The following PPP3R2 variants were observed in gnomAD, a reference collection of about 807,000 sequenced individuals.
PPP3R2 encodes the protein protein phosphatase 3 regulatory subunit B, beta.
For missense variants in PPP3R2, 225 were observed against 217.4 expected (o/e 1.03, Z -0.22); for synonymous variants, 91 against 91.5 (o/e 0.99, Z 0.03).
In PPP3R2 at chr9:101,594,799, C is replaced by G; in HGVS notation, c.123G>C (p.Glu41Asp). 1 of 1,613,264 alleles carries G rather than the reference C, an allele frequency of 6.2e-7. No individual in the cohort carries two copies. The highest frequency in any genetic ancestry group is 1.3e-5 in the African/African-American group (1 of 75,058). The change falls in exon 1 of 1, where the codon GAG (glutamate) becomes GAC (aspartate). Residue 41 changes from glutamate to aspartate, a missense_variant. By Grantham distance (45) the Glu-to-Asp change is conservative. Coordinates refer to ENST00000374806, the MANE Select transcript of PPP3R2 (RefSeq NM_147180.4). Reference sequence around the variant, plus strand: ...GCAGCTCCGGCAGGGACATGAACTCCTCCACGCTCAGAGACCCTGATTTGT... The same window carrying G: ...GCAGCTCCGGCAGGGACATGAACTCGTCCACGCTCAGAGACCCTGATTTGT... ...DLDKSGSLSV[E>D]EFMSLPELRH...
At position 101,593,404 on chromosome 9, in the gene PPP3R2, A is replaced by T. The variant is rs1004285448; in HGVS notation, c.*1005T>A. 1 of 152,184 alleles carries T rather than the reference A, an allele frequency of 6.6e-6. No individual in the cohort carries two copies. Among genetic ancestry groups the T allele is most frequent in the African/African-American group, 2.4e-5 (1 of 41,444 alleles). 9.4% of individuals were successfully genotyped at this position (152,184 alleles called of 1,614,324 possible). A position where few individuals can be genotyped will look rare whatever the true frequency, so the allele number is the denominator to read the frequency against. On this transcript the variant is annotated 3_prime_UTR_variant, in exon 1 of 1. Transcript: ENST00000374806. ...TTTTCAAAATCAGCATAGCTGGTGT[A>T]GCTAGCATCCACCTCTGCTGTGGAG...
At position 101,594,856 on chromosome 9, in the gene PPP3R2, C is replaced by A; in HGVS notation, c.66G>T (p.Arg22Ser). ...CCAACTTCTTAAACCTCCTGCCCAG[C>A]CTTTTAATTTCATCATTGTCAAAGT... ...CSHFDNDEIK[R>S]LGRRFKKLDL... The change falls in exon 1 of 1, where the codon AGG (arginine) becomes AGT (serine). Residue 22 changes from arginine (R) to serine (S), a missense_variant. Arg to Ser is a moderately radical substitution (Grantham distance 110). Transcript: ENST00000374806. The A allele has an allele frequency of 6.2e-7, 1 of 1,605,244 alleles. No individual in the cohort carries two copies. Among genetic ancestry groups the A allele is most frequent in the Non-Finnish European group, 8.5e-7 (1 of 1,179,992 alleles).
chr9:101,594,202 C>T lies in PPP3R2; in HGVS notation c.*207G>A, dbSNP rs117277485. The stretch of plus-strand genomic sequence containing the variant: ...TTCCCCACTATGCTCATTTGACTTG[C>T]TCTTCCCCCTATAGGGTACCCTGAG... On this transcript the variant is annotated 3_prime_UTR_variant, in exon 1 of 1. Transcript: ENST00000374806. 490 of 558,986 alleles carry T rather than the reference C, an allele frequency of 8.8e-4. 2 individuals are homozygous for T. The East Asian group carries it at 0.012, about 14-fold the overall frequency. 34.6% of individuals were successfully genotyped at this position (558,986 alleles called of 1,614,324 possible).
chr9:101,593,613 C>T lies in PPP3R2; in HGVS notation c.*796G>A, dbSNP rs568386132. 3 of 152,448 alleles carry T rather than the reference C, an allele frequency of 2.0e-5. No individual in the cohort carries two copies. In the South Asian group the frequency reaches 6.2e-4, roughly 32 times the overall value. The allele number at this position is 152,448 out of a possible 1,614,324, so 9.4% of individuals were successfully genotyped here. ...GGTGAGAGCACTTTCTGGGAGAACACTTTGCTTGCCCTATTTAGCTGGAGG... is the reference window on the plus strand; with the variant it reads ...GGTGAGAGCACTTTCTGGGAGAACATTTTGCTTGCCCTATTTAGCTGGAGG... On this transcript the variant is annotated 3_prime_UTR_variant, in exon 1 of 1. Coordinates refer to ENST00000374806, the MANE Select transcript of PPP3R2 (RefSeq NM_147180.4).
Position 101,592,251 on chromosome 9 carries a change from A to C in PPP3R2, c.*2158T>G, listed in dbSNP as rs138448919. ...TGGGCTGTACACTAATGTCCAGTTA[A>C]TTTTAGAGTGGGTGTAGCTAAGAAC... On this transcript the variant is annotated 3_prime_UTR_variant, in exon 1 of 1. Coordinates refer to ENST00000374806, the MANE Select transcript of PPP3R2 (RefSeq NM_147180.4). 6.6e-6 allele frequency: 1 copy of C among 152,180 alleles called. No individual in the cohort carries two copies. Among genetic ancestry groups the C allele is most frequent in the South Asian group, 2.1e-4 (1 of 4,822 alleles). 9.4% of individuals were successfully genotyped at this position (152,180 alleles called of 1,614,324 possible).
In PPP3R2 at chr9:101,594,704, T is replaced by C. The variant is rs1227024419; in HGVS notation, c.218A>G (p.Lys73Arg). The C allele has an allele frequency of 3.1e-6, 5 of 1,614,108 alleles. No homozygotes were observed. Among genetic ancestry groups the C allele is most frequent in the African/African-American group, 2.7e-5 (2 of 74,940 alleles). ...CTGGGAGGTCCCCAGGATGAATTCCTTGAAGTCCACTTCTCCATCACCGTC... is the reference window on the plus strand; with the variant it reads ...CTGGGAGGTCCCCAGGATGAATTCCCTGAAGTCCACTTCTCCATCACCGTC... ...DTDGDGEVDF[K>R]EFILGTSQFS... Residue 73 changes from lysine (K) to arginine (R), a missense_variant, in exon 1 of 1, where the codon AAG becomes AGG. By Grantham distance (26) the Lys-to-Arg change is conservative. Transcript: ENST00000374806.
chr9:101,594,661 G>A lies in PPP3R2; in HGVS notation c.261C>T (p.Asp87=), dbSNP rs1170154022. The A allele has an allele frequency of 3.1e-6, 5 of 1,614,162 alleles. No homozygotes were observed. Among genetic ancestry groups the A allele is most frequent in the East Asian group, 2.2e-5 (1 of 44,876 alleles). Residue 87 remains aspartate (D), a synonymous_variant, in exon 1 of 1, where the codon GAC becomes GAT. Transcript: ENST00000374806. ...LGTSQFSVKG[D]EEQKLRFAFS... ...ACGCAAACCTCAACTTCTGCTCCTC[G>A]TCGCCCTTGACGCTGAACTGGGAGG...
rs1224548008 is a variant in PPP3R2, at chr9:101,592,314, C to T, written c.*2095G>A. 2.0e-5 allele frequency: 3 copies of T among 152,174 alleles called. No individual in the cohort carries two copies. In the East Asian group the frequency reaches 5.8e-4, roughly 29 times the overall value. 9.4% of individuals were successfully genotyped at this position (152,174 alleles called of 1,614,324 possible). A position where few individuals can be genotyped will look rare whatever the true frequency, so the allele number is the denominator to read the frequency against. On this transcript the variant is annotated 3_prime_UTR_variant, in exon 1 of 1. Coordinates refer to ENST00000374806, the MANE Select transcript of PPP3R2 (RefSeq NM_147180.4). Reference sequence around the variant, plus strand: ...CAAAAGCAACCAGTAAGCCTCATGTCTCCTTTACATATTGATCTTGTAGAA... The same window carrying T: ...CAAAAGCAACCAGTAAGCCTCATGTTTCCTTTACATATTGATCTTGTAGAA...
chr9:101,594,490 G>A lies in PPP3R2; in HGVS notation c.432C>T (p.Gly144=), dbSNP rs763447424. ...ATTCCTCAAAGGATATCTTCCCATCGCCATCCTTGTCCAGGATGATGATGG... is the reference window on the plus strand; with the variant it reads ...ATTCCTCAAAGGATATCTTCCCATCACCATCCTTGTCCAGGATGATGATGG... ...DKTIIILDKD[G]DGKISFEEFS... Residue 144 remains glycine, a synonymous_variant, in exon 1 of 1, where the codon GGC becomes GGT. Transcript: ENST00000374806. 6.2e-6 allele frequency: 10 copies of A among 1,613,978 alleles called. No homozygotes were observed. The highest frequency in any genetic ancestry group is 4.0e-5 in the African/African-American group (3 of 74,888).
chr9:101,594,351 C>G lies in PPP3R2; in HGVS notation c.*58G>C. ...AGACAGTTGGACGTCTTGAGCAAAT[C>G]TTGAAAGAGATAGGGAAGAAAGCAG... On this transcript the variant is annotated 3_prime_UTR_variant, in exon 1 of 1. Coordinates refer to ENST00000374806, the MANE Select transcript of PPP3R2 (RefSeq NM_147180.4). 1.3e-6 allele frequency: 2 copies of G among 1,528,934 alleles called. No individual in the cohort carries two copies. Among genetic ancestry groups the G allele is most frequent in the Non-Finnish European group, 1.8e-6 (2 of 1,139,452 alleles). The allele number at this position is 1,528,934 out of a possible 1,614,324, so 94.7% of individuals were successfully genotyped here. A position where few individuals can be genotyped will look rare whatever the true frequency, so the allele number is the denominator to read the frequency against.
At position 101,594,777 on chromosome 9, in the gene PPP3R2, G is replaced by T. The variant is rs142403692; in HGVS notation, c.145C>A (p.Leu49Met). ...SVEEFMSLPE[L>M]RHNPLVRRVI... Reference sequence around the variant, plus strand: ...CGCCGCACCAACGGGTTGTGGCGCAGCTCCGGCAGGGACATGAACTCCTCC... The same window carrying T: ...CGCCGCACCAACGGGTTGTGGCGCATCTCCGGCAGGGACATGAACTCCTCC... Residue 49 changes from leucine (L) to methionine (M), a missense_variant, in exon 1 of 1, where the codon CTG becomes ATG. Coordinates refer to ENST00000374806, the MANE Select transcript of PPP3R2 (RefSeq NM_147180.4). The T allele has an allele frequency of 3.7e-6, 6 of 1,613,850 alleles. No homozygotes were observed. In the East Asian group the frequency reaches 1.3e-4, roughly 36 times the overall value.
rs11331695 is a variant in PPP3R2, at chr9:101,592,754, C to CTTTTTTTT, written c.*1647_*1654dup. On this transcript the variant is annotated 3_prime_UTR_variant, in exon 1 of 1. Transcript: ENST00000374806. ...CCCTACAAGTGATTAAATTTGTGGA[C>CTTTTTTTT]TTTTTTTTTTTTTTTCTATTTTGGT... 1 of 143,178 alleles carries CTTTTTTTT rather than the reference C, an allele frequency of 7.0e-6. No homozygotes were observed. The highest frequency in any genetic ancestry group is 1.5e-5 in the Non-Finnish European group (1 of 65,124). 8.9% of individuals were successfully genotyped at this position (143,178 alleles called of 1,614,324 possible). A position where few individuals can be genotyped will look rare whatever the true frequency, so the allele number is the denominator to read the frequency against.
Position 101,594,848 on chromosome 9 carries a change from CTGCCCAGCCTT to C in PPP3R2, c.63_73del (p.Arg22GlufsTer3). 6.2e-7 allele frequency: 1 copy of C among 1,606,800 alleles called. No homozygotes were observed. The highest frequency in any genetic ancestry group is 8.5e-7 in the Non-Finnish European group (1 of 1,180,006). ...GTCCAAGTCCAACTTCTTAAACCTC[CTGCCCAGCCTT>C]TTAATTTCATCATTGTCAAAGTGGG... On this transcript the variant is annotated frameshift_variant, in exon 1 of 1. Coordinates refer to ENST00000374806, the MANE Select transcript of PPP3R2 (RefSeq NM_147180.4). LOFTEE classifies it low-confidence loss of function (END_TRUNC).
At position 101,592,556 on chromosome 9, in the gene PPP3R2, G is replaced by T. The variant is rs1441934261; in HGVS notation, c.*1853C>A. 6.6e-6 allele frequency: 1 copy of T among 152,176 alleles called. No homozygotes were observed. The highest frequency in any genetic ancestry group is 1.5e-5 in the Non-Finnish European group (1 of 68,038). The allele number at this position is 152,176 out of a possible 1,614,324, so 9.4% of individuals were successfully genotyped here. A position where few individuals can be genotyped will look rare whatever the true frequency, so the allele number is the denominator to read the frequency against. On this transcript the variant is annotated 3_prime_UTR_variant, in exon 1 of 1. Coordinates refer to ENST00000374806, the MANE Select transcript of PPP3R2 (RefSeq NM_147180.4). Reference sequence around the variant, plus strand: ...CAGTTGCAACTGAATCCAAACCCAGGTGTGTCTGAATCTTTGAACATTACA... The same window carrying T: ...CAGTTGCAACTGAATCCAAACCCAGTTGTGTCTGAATCTTTGAACATTACA...
chr9:101,593,638 G>A lies in PPP3R2; in HGVS notation c.*771C>T, dbSNP rs1169397377. 1 of 152,290 alleles carries A rather than the reference G, an allele frequency of 6.6e-6. No homozygotes were observed. Among genetic ancestry groups the A allele is most frequent in the African/African-American group, 2.4e-5 (1 of 41,434 alleles). 9.4% of individuals were successfully genotyped at this position (152,290 alleles called of 1,614,324 possible). A position where few individuals can be genotyped will look rare whatever the true frequency, so the allele number is the denominator to read the frequency against. ...CTTTGCTTGCCCTATTTAGCTGGAGGTCCCCTTCATTGAAATTAATGCTGG... is the reference window on the plus strand; with the variant it reads ...CTTTGCTTGCCCTATTTAGCTGGAGATCCCCTTCATTGAAATTAATGCTGG... On this transcript the variant is annotated 3_prime_UTR_variant, in exon 1 of 1. Transcript: ENST00000374806.
In PPP3R2 at chr9:101,594,263, G is replaced by A; in HGVS notation, c.*146C>T. The A allele has an allele frequency of 9.9e-7, 1 of 1,005,490 alleles. No homozygotes were observed. Among genetic ancestry groups the A allele is most frequent in the Non-Finnish European group, 1.4e-6 (1 of 700,680 alleles). 62.3% of individuals were successfully genotyped at this position (1,005,490 alleles called of 1,614,324 possible). On this transcript the variant is annotated 3_prime_UTR_variant, in exon 1 of 1. Transcript: ENST00000374806. ...AAGGAGAATTAATAGCACTGAGTTG[G>A]TGATGAAGCTCCTGTTAGGACATAT... is the stretch of plus-strand genomic sequence containing the variant.
chr9:101,594,944 C>T lies in PPP3R2; in HGVS notation c.-23G>A, dbSNP rs763371457. The T allele has an allele frequency of 6.3e-7, 1 of 1,590,914 alleles. No homozygotes were observed. Among genetic ancestry groups the T allele is most frequent in the East Asian group, 2.2e-5 (1 of 44,846 alleles). On this transcript the variant is annotated 5_prime_UTR_variant, in exon 1 of 1. In the 5' UTR this introduces an upstream ATG that the reference lacks. Transcript: ENST00000374806. ...CATTGTGGACATCTGGCAACGGCCA[C>T]GGCTCAAAGGGTCGGAGAGGGGAGC...
rs971727049 is a variant in PPP3R2, at chr9:101,594,901, G to A, written c.21C>T (p.Tyr7=). The change falls in exon 1 of 1, where the codon TAC becomes TAT. Residue 7 remains tyrosine (Y), a synonymous_variant. Transcript: ENST00000374806. The part of the protein sequence containing the change: MGNEAS[Y]PAEMCSHFDN... ...CAAAGTGGGAGCACATCTCCGCCGG[G>A]TAACTGGCCTCGTTTCCCATTGTGG... 5 of 1,599,944 alleles carry A rather than the reference G, an allele frequency of 3.1e-6. No homozygotes were observed. The highest frequency in any genetic ancestry group is 4.2e-6 in the Non-Finnish European group (5 of 1,179,810).
At position 101,594,931 on chromosome 9, in the gene PPP3R2, C is replaced by T. The variant is rs1279998402; in HGVS notation, c.-10G>A. On this transcript the variant is annotated 5_prime_UTR_variant, in exon 1 of 1. Transcript: ENST00000374806. ...TGGCCTCGTTTCCCATTGTGGACAT[C>T]TGGCAACGGCCACGGCTCAAAGGGT... 1 of 1,595,956 alleles carries T rather than the reference C, an allele frequency of 6.3e-7. No homozygotes were observed. The highest frequency in any genetic ancestry group is 2.2e-5 in the East Asian group (1 of 44,850).
Sources: gnomAD v4.1 joint callset for allele counts on GRCh38, gnomAD v4.1.1 for gene constraint, MANE v1.5 for transcripts, NCBI Gene and HGNC (gene_info 2026-07-23, HGNC 2026-07-21) for gene names.